The following JAKMIP3 variants were observed in gnomAD, a reference collection of about 807,000 sequenced individuals.
JAKMIP3 encodes Janus kinase and microtubule interacting protein 3, also known as janus kinase and microtubule-interacting protein 3.
A neutral mutation model predicts 118.5 loss-of-function variants in JAKMIP3; 58 were observed. That is an observed-to-expected ratio of 0.49 (90% CI 0.40 to 0.61). The LOEUF is 0.61. Among genes scored for constraint, JAKMIP3 ranks in the 20% least tolerant of loss-of-function variants. JAKMIP3 has a pLI of 0.00. For missense variants in JAKMIP3, 950 were observed against 1,109.0 expected, an observed-to-expected ratio of 0.86 and a Z score of 2.04; for synonymous variants, 486 against 451.2, an observed-to-expected ratio of 1.08 and a Z score of -0.98.
At chr10:132,153,222 C>G (rs566882757) in intron 17 of JAKMIP3, among the ~76,000 whole-genome samples, 199 bp downstream of exon 17, 1 of 152,196 alleles carries the variant, frequency 6.6e-6, no homozygotes, top group Non-Finnish European at 1.5e-5. Context: ...AGGACAGATT[C>G]GGCTCCACTT....
At chr10:132,082,610 TTTC>T (rs2041916862) in intron 1 of JAKMIP3, among the ~76,000 whole-genome samples, 1 of 151,944 alleles carries the variant, frequency 6.6e-6, no homozygotes. Context: ...TACACCACAG[TTTC>T]TTTCTTTTTT....
intron 1 of JAKMIP3, among the ~76,000 whole-genome samples, chr10:132,089,843 G>C (rs149973793): frequency 0.035 from 5,342 of 152,206 alleles, 112 homozygotes; most frequent in Non-Finnish European, 0.054. Flanking sequence ...TTGTCTGTGG[G>C]TTTGTCATAA....
rs2061682841 is a variant in JAKMIP3, at chr10:132,184,208, G to A, written c.*2955G>A. On this transcript the variant is annotated 3_prime_UTR_variant, in exon 24 of 24. Transcript: ENST00000684848. ...AGTGTGTTGTTTACCTTGTGCCCAT[G>A]GTCCAGATTTTGAGCTGGAGAAGGA... is the stretch of plus-strand genomic sequence containing the variant. 6.6e-6 allele frequency: 1 copy of A among 152,338 alleles called. No individual in the cohort carries two copies. Among genetic ancestry groups the A allele is most frequent in the East Asian group, 1.9e-4 (1 of 5,192 alleles). 9.4% of individuals were successfully genotyped at this position (152,338 alleles called of 1,614,324 possible). A position where few individuals can be genotyped will look rare whatever the true frequency, so the allele number is the denominator to read the frequency against.
At chr10:132,064,718 C>T (rs547299428), upstream of JAKMIP3, among the ~76,000 whole-genome samples, 29 of 152,278 alleles carry the variant, frequency 1.9e-4, no homozygotes, top group African/African-American at 7.0e-4. This position sits in a 1 kb window ranked among gnomAD's most constrained non-coding sequence, Gnocchi z 4.4. Context: ...GACGTGTGGC[C>T]ATGGTTTTAA....
At chr10:132,106,463 C>T (rs2379227) in intron 2 of JAKMIP3, among the ~76,000 whole-genome samples, 2,541 of 152,324 alleles carry the variant, frequency 0.017, 54 homozygotes, top group African/African-American at 0.057. Context: ...GTTCCTCCCC[C>T]TCCTGCCATG....
chr10:132,104,825 T>A lies in JAKMIP3; in HGVS notation c.17T>A (p.Met6Lys), dbSNP rs749302804. MSKRG[M>K]SSRAKGDKAE... ...AGCCTCACCATGTCCAAGAGGGGCA[T>A]GAGCAGCCGGGCCAAGGGGGACAAG... The change falls in exon 2 of 24, where the codon ATG becomes AAG. Residue 6 changes from methionine (M) to lysine (K), a missense_variant. Met to Lys is a moderately conservative substitution (Grantham distance 95). Coordinates refer to ENST00000684848, the MANE Select transcript of JAKMIP3 (RefSeq NM_001323087.2). 32 of 1,552,370 alleles carry A rather than the reference T, an allele frequency of 2.1e-5. No individual in the cohort carries two copies. Among genetic ancestry groups the A allele is most frequent in the Middle Eastern group, 1.7e-4 (1 of 5,954 alleles).
chr10:132,093,896 T>G (rs1301541850), intron 1 of JAKMIP3, among the ~76,000 whole-genome samples: 1 of 152,044 alleles, frequency 6.6e-6, no homozygotes, highest in Non-Finnish European at 1.5e-5. Flanking sequence ...TTTATTTGAT[T>G]TCACTGAGTA....
At chr10:132,071,218 T>A (rs2133983082) in intron 1 of JAKMIP3, among the ~76,000 whole-genome samples, 1 of 152,230 alleles carries the variant, frequency 6.6e-6, no homozygotes, top group East Asian at 1.9e-4. Flanking sequence ...TCCTTTTTTC[T>A]TGATATCTTT....
chr10:132,115,369 C>G (rs373143127), intron 2 of JAKMIP3, among the ~76,000 whole-genome samples: 1 of 152,212 alleles, frequency 6.6e-6, no homozygotes, highest in African/African-American at 2.4e-5. Context: ...CCCCTGCTAC[C>G]GATGGGCTGG....
At chr10:132,157,546 C>T (rs1189523683) in intron 19 of JAKMIP3, among the ~76,000 whole-genome samples, 1 of 152,138 alleles carries the variant, frequency 6.6e-6, no homozygotes, top group Non-Finnish European at 1.5e-5. Context: ...TAGGAACTGC[C>T]GAATATTTCT....
At chr10:132,081,855 G>T (rs1003232595) in intron 1 of JAKMIP3, among the ~76,000 whole-genome samples, 6 of 151,962 alleles carry the variant, frequency 3.9e-5, no homozygotes, top group Admixed American at 3.9e-4. Flanking sequence ...AGCCCTCATC[G>T]GCCTCATTGA....
At chr10:132,128,572 A>G (rs1349585340) in intron 3 of JAKMIP3, among the ~76,000 whole-genome samples, 1 of 151,840 alleles carries the variant, frequency 6.6e-6, no homozygotes, top group Non-Finnish European at 1.5e-5. Context: ...ATTTTTCTTG[A>G]GCTCTATTCT....
chr10:132,111,758 T>C (rs1353529012), intron 2 of JAKMIP3, among the ~76,000 whole-genome samples: 6 of 152,256 alleles, frequency 3.9e-5, no homozygotes, highest in Admixed American at 2.6e-4. Context: ...TGACTTCTAT[T>C]TGCATATTAT....
At chr10:132,113,912 C>T (rs183297149) in intron 2 of JAKMIP3, among the ~76,000 whole-genome samples, 10 of 152,310 alleles carry the variant, frequency 6.6e-5, no homozygotes, top group East Asian at 5.8e-4. Context: ...TCATAGACAG[C>T]GTTACTGTCC....
intron 5 of JAKMIP3, 74 bp from the exon 6 acceptor site, chr10:132,135,856 T>C: frequency 6.7e-7 from 1 of 1,491,868 alleles, no homozygotes; most frequent in Non-Finnish European, 9.1e-7. Context: ...CTGTGGTCAG[T>C]CAGCCGACTC....
In JAKMIP3 at chr10:132,168,692, C is replaced by G; in HGVS notation, c.*762C>G. 1 of 314,658 alleles carries G rather than the reference C, an allele frequency of 3.2e-6. No individual in the cohort carries two copies. The highest frequency in any genetic ancestry group is 2.5e-5 in the South Asian group (1 of 39,848). The allele number at this position is 314,658 out of a possible 1,614,324, so 19.5% of individuals were successfully genotyped here. On this transcript the variant is annotated 3_prime_UTR_variant, in exon 23 of 24. Transcript: ENST00000684848. Reference sequence around the variant, plus strand: ...CGCCCAAGCCGCCAGCTGGGAGCACCGCGGGACTGAGCCAAGGAAGGCGTG... The same window carrying G: ...CGCCCAAGCCGCCAGCTGGGAGCACGGCGGGACTGAGCCAAGGAAGGCGTG...
Position 132,117,712 on chromosome 10 carries a change from A to G in JAKMIP3, c.633+138A>G. 9.3e-7 allele frequency: 1 copy of G among 1,071,316 alleles called. No individual in the cohort carries two copies. Among genetic ancestry groups the G allele is most frequent in the Non-Finnish European group, 1.2e-6 (1 of 824,104 alleles). 66.4% of individuals were successfully genotyped at this position (1,071,316 alleles called of 1,614,324 possible). A position where few individuals can be genotyped will look rare whatever the true frequency, so the allele number is the denominator to read the frequency against. On this transcript the variant is annotated intron_variant, in intron 3 of 23. Coordinates refer to ENST00000684848, the MANE Select transcript of JAKMIP3 (RefSeq NM_001323087.2). This position sits in a 1 kb window ranked among gnomAD's most constrained non-coding sequence, Gnocchi z 8.6. ...CAGCACCGGCTTCACCCCCCATGAC[A>G]TTCTTAGCACAGGCTCCTCATGCCA...
At chr10:132,045,167 T>A (rs2037871015) in intron 1 of JAKMIP3, among the ~76,000 whole-genome samples, 1 of 152,080 alleles carries the variant, frequency 6.6e-6, no homozygotes, top group African/African-American at 2.4e-5. Context: ...TTTCCCCACA[T>A]CCTCACAACG....
intron 3 of JAKMIP3, among the ~76,000 whole-genome samples, chr10:132,120,064 GCACAGGC>G (rs2048299923): frequency 6.6e-6 from 1 of 152,194 alleles, no homozygotes; most frequent in Admixed American, 6.5e-5. Context: ...AGAGACAAAG[GCACAGGC>G]CTCCCAGGGT....
Sources: gnomAD v4.1 joint callset for allele counts (sites outside exome capture counted in the v4.1 genomes callset) on GRCh38, gnomAD v4.1.1 for gene constraint, Gnocchi (gnomAD v3.1) non-coding constraint, MANE v1.5 for transcripts, NCBI Gene and HGNC (gene_info 2026-07-23, HGNC 2026-07-21) for gene names.